Variants in TOM1L2 observed in about 807,000 individuals in gnomAD.
The protein encoded by TOM1L2 is TOM1-like protein 2.
In TOM1L2, 31 loss-of-function variants were observed where a neutral mutation model predicts 67.9. The ratio of observed to expected loss-of-function variants is 0.46; its 90% CI spans 0.34 to 0.62. TOM1L2 has a LOEUF of 0.62. Ranked by LOEUF, TOM1L2 falls within the 20% of genes least tolerant of loss-of-function variation. The pLI, the probability that TOM1L2 is intolerant of heterozygous loss-of-function variation, is 0.01. For synonymous variants in TOM1L2, 256 were observed against 254.0 expected (o/e 1.01, Z -0.07); for missense variants, 606 against 663.5 (o/e 0.91, Z 0.95).
intron 8 of TOM1L2, chr17:17,868,840 G>T (rs748433507): frequency 1.3e-5 from 2 of 156,580 alleles, no homozygotes; most frequent in Non-Finnish European, 2.8e-5. Context: ...ACTTACACCC[G>T]CCTGCTTCCC....
chr17:17,963,695 A>G (rs2041777867), intron 1 of TOM1L2, among the ~76,000 whole-genome samples: 2 of 152,250 alleles, frequency 1.3e-5, no homozygotes, highest in African/African-American at 2.4e-5. Flanking sequence ...AAAAGAGTGA[A>G]TAACTATGAA....
In TOM1L2 at chr17:17,847,544, G is replaced by A; in HGVS notation, c.*91C>T. The A allele has an allele frequency of 6.7e-7, 1 of 1,490,316 alleles. No individual in the cohort carries two copies. Among genetic ancestry groups the A allele is most frequent in the Non-Finnish European group, 9.0e-7 (1 of 1,115,826 alleles). The allele number at this position is 1,490,316 out of a possible 1,614,324, so 92.3% of individuals were successfully genotyped here. A position where few individuals can be genotyped will look rare whatever the true frequency, so the allele number is the denominator to read the frequency against. On this transcript the variant is annotated 3_prime_UTR_variant, in exon 15 of 15. Transcript: ENST00000379504. Reference sequence around the variant, plus strand: ...ATGGAAACACAGGTGTGCAGGCCGTGTGGAGCTGGGGATGTAGGAGTGGCC... The same window carrying A: ...ATGGAAACACAGGTGTGCAGGCCGTATGGAGCTGGGGATGTAGGAGTGGCC...
chr17:17,869,477 G>C lies in TOM1L2; in HGVS notation c.778-4C>G. ...CCCGACAGGTCCTGTTGAGCTCCTA[G>C]GGAACACATGCACCTCTGGGTAGCC... On this transcript the variant is annotated splice_region_variant and splice_polypyrimidine_tract_variant and intron_variant, in intron 7 of 14. Transcript: ENST00000379504. 1 of 1,601,656 alleles carries C rather than the reference G, an allele frequency of 6.2e-7. No homozygotes were observed. The highest frequency in any genetic ancestry group is 8.5e-7 in the Non-Finnish European group (1 of 1,173,252).
chr17:17,912,747 G>C (rs1366551595), intron 1 of TOM1L2, among the ~76,000 whole-genome samples: 1 of 151,704 alleles, frequency 6.6e-6, no homozygotes, highest in Admixed American at 6.6e-5. Context: ...GACGATGGGC[G>C]GCCAGGCAGA....
intron 1 of TOM1L2, among the ~76,000 whole-genome samples, chr17:17,926,176 G>GAA (rs57599370): frequency 7.8e-5 from 8 of 103,140 alleles, no homozygotes; most frequent in African/African-American, 1.4e-4. Flanking sequence ...GTCTCTTGGA[G>GAA]AAAAAAAAAA....
At chr17:17,882,450 T>TC (rs1174017368) in intron 6 of TOM1L2, among the ~76,000 whole-genome samples, 1 of 152,126 alleles carries the variant, frequency 6.6e-6, no homozygotes, top group African/African-American at 2.4e-5. Context: ...GCATGTCAGG[T>TC]CCCCGGTGCC....
chr17:17,914,201 GGCAGGCACCATTTCACTGCT>G (rs1363831380), intron 1 of TOM1L2, among the ~76,000 whole-genome samples: 2 of 152,126 alleles, frequency 1.3e-5, no homozygotes, highest in Non-Finnish European at 2.9e-5. Context: ...AGGGGCAGGA[GGCAGGCACCATTTCACTGCT>G]GCAGGCTCCC....
At chr17:17,943,436 T>C (rs768028583) in intron 1 of TOM1L2, among the ~76,000 whole-genome samples, 2 of 151,950 alleles carry the variant, frequency 1.3e-5, no homozygotes, top group Non-Finnish European at 2.9e-5. Flanking sequence ...GCCTGGAGAG[T>C]GCAGAAAAGG....
intron 2 of TOM1L2, among the ~76,000 whole-genome samples, chr17:17,899,554 A>C (rs992699844): frequency 4.6e-5 from 7 of 152,230 alleles, no homozygotes; most frequent in Admixed American, 3.3e-4. Flanking sequence ...TACATATTAC[A>C]TGTAGGTCTT....
intron 3 of TOM1L2, among the ~76,000 whole-genome samples, chr17:17,897,793 A>AG (rs1156442016): frequency 5.3e-5 from 8 of 152,178 alleles, no homozygotes; most frequent in Non-Finnish European, 1.2e-4. Flanking sequence ...TCTGAGCCTC[A>AG]GTTTCATCAT....
At chr17:17,851,240 A>AT in intron 12 of TOM1L2, 1 of 448,268 alleles carries the variant, frequency 2.2e-6, no homozygotes, top group Non-Finnish European at 4.1e-6. Flanking sequence ...CTTTTTGACT[A>AT]TGAGTGTCCA....
Position 17,879,693 on chromosome 17 carries a change from G to C in TOM1L2, c.711C>G (p.Val237=). 6.2e-7 allele frequency: 1 copy of C among 1,614,210 alleles called. No individual in the cohort carries two copies. Among genetic ancestry groups the C allele is most frequent in the Middle Eastern group, 1.6e-4 (1 of 6,062 alleles). The part of the protein sequence containing the change: ...ELDVVRGNTK[V]MSEMLTEMVP... Reference sequence around the variant, plus strand: ...CCATTTCTGTTAACATCTCAGACATGACTTTTGTGTTTCCTCGAACGACGT... The same window carrying C: ...CCATTTCTGTTAACATCTCAGACATCACTTTTGTGTTTCCTCGAACGACGT... Residue 237 remains valine (V), a synonymous_variant, in exon 7 of 15, where the codon GTC becomes GTG. Coordinates refer to ENST00000379504, the MANE Select transcript of TOM1L2 (RefSeq NM_001082968.2).
intron 2 of TOM1L2, among the ~76,000 whole-genome samples, chr17:17,899,887 AG>A (rs531128456): frequency 6.6e-6 from 1 of 152,228 alleles, no homozygotes; most frequent in Middle Eastern, 3.2e-3. Context: ...AGGAGGGGAA[AG>A]GGTTGATGCT....
intron 7 of TOM1L2, among the ~76,000 whole-genome samples, chr17:17,875,013 T>C (rs2037351097): frequency 6.6e-6 from 1 of 152,078 alleles, no homozygotes; most frequent in Non-Finnish European, 1.5e-5. Context: ...TCTCAGCACT[T>C]TGAGAGGCCG....
At chr17:17,864,506 G>A (rs2036738312) in intron 10 of TOM1L2, among the ~76,000 whole-genome samples, 1 of 149,932 alleles carries the variant, frequency 6.7e-6, no homozygotes, top group African/African-American at 2.5e-5. Flanking sequence ...CACCGCACCC[G>A]GCTTTTTTTT....
At chr17:17,880,209 T>G (rs2144023772) in intron 6 of TOM1L2, among the ~76,000 whole-genome samples, 1 of 152,250 alleles carries the variant, frequency 6.6e-6, no homozygotes, top group Non-Finnish European at 1.5e-5. Flanking sequence ...CCTAGGAGTT[T>G]TACATCTAAA....
chr17:17,936,175 G>A (rs948137155), intron 1 of TOM1L2, among the ~76,000 whole-genome samples: 2 of 152,190 alleles, frequency 1.3e-5, no homozygotes, highest in Admixed American at 6.5e-5. Context: ...TCCCCCAGGC[G>A]TGTGCCCTTC....
At chr17:17,942,988 G>A (rs1221310019) in intron 1 of TOM1L2, among the ~76,000 whole-genome samples, 1 of 152,112 alleles carries the variant, frequency 6.6e-6, no homozygotes, top group Non-Finnish European at 1.5e-5. Flanking sequence ...AAAGTAATAT[G>A]ATGCCTGGAA....
At chr17:17,876,867 G>A (rs1427594431) in intron 7 of TOM1L2, among the ~76,000 whole-genome samples, 3 of 152,216 alleles carry the variant, frequency 2.0e-5, no homozygotes, top group South Asian at 4.1e-4. Context: ...TGTCACTGGG[G>A]ACACGCAGAA....
Sources: gnomAD v4.1 joint callset for allele counts (sites outside exome capture counted in the v4.1 genomes callset) on GRCh38, gnomAD v4.1.1 for gene constraint, MANE v1.5 for transcripts, NCBI Gene and HGNC (gene_info 2026-07-23, HGNC 2026-07-21) for gene names.